Variants in ADAM23 observed in about 807,000 individuals in gnomAD.
ADAM23 encodes disintegrin and metalloproteinase domain-containing protein 23.
Under a neutral mutation model 120.1 loss-of-function variants are expected in ADAM23, and 33 were observed. That is an observed-to-expected ratio of 0.27 (90% CI 0.21 to 0.37). ADAM23 has a LOEUF of 0.37. Among genes scored for constraint, ADAM23 ranks in the 10% least tolerant of loss-of-function variants. ADAM23 has a pLI of 1.00. For synonymous variants in ADAM23, 367 were observed against 375.2 expected (o/e 0.98, Z 0.25); for missense variants, 862 against 1,058.2 (o/e 0.81, Z 2.57).
intron 2 of ADAM23, among the ~76,000 whole-genome samples, chr2:206,468,988 A>C (rs1305317976): frequency 6.6e-6 from 1 of 151,958 alleles, no homozygotes; most frequent in Non-Finnish European, 1.5e-5. Flanking sequence ...ACCAAATCTC[A>C]TGACAACTCA....
At chr2:206,614,172 A>G (rs1170823177) in intron 25 of ADAM23, among the ~76,000 whole-genome samples, 2 of 152,224 alleles carry the variant, frequency 1.3e-5, no homozygotes, top group Admixed American at 1.3e-4. Context: ...TTTAATATTA[A>G]TAAGTCTGTG....
chr2:206,589,324 G>C, intron 20 of ADAM23, 85 bp from the exon 21 acceptor site: 3 of 1,045,920 alleles, frequency 2.9e-6, no homozygotes, highest in Non-Finnish European at 4.1e-6. Flanking sequence ...GGAGAATCGG[G>C]TGTTAAACAC....
rs140738895 is a variant in ADAM23, at chr2:206,567,317, A to G, written c.1489A>G (p.Thr497Ala). Residue 497 changes from threonine (T) to alanine (A), a missense_variant, in exon 15 of 26, where the codon ACA becomes GCA. This residue lies in a region of ADAM23 where 617 missense variants were observed against 813.5 expected (regional missense o/e 0.76). Transcript: ENST00000264377. The stretch of plus-strand genomic sequence containing the variant: ...TGGAGCCTGCCTTTTCAACAGGCCA[A>G]CAAAGGTTAGTAACTTAGAAAGCAT... ...GGGACLFNRP[T>A]KLFEPTECGN... 2.4e-5 allele frequency: 39 copies of G among 1,611,296 alleles called. No individual in the cohort carries two copies. Among genetic ancestry groups the G allele is most frequent in the South Asian group, 3.3e-5 (3 of 90,976 alleles).
chr2:206,445,607 C>G (rs1695067624), intron 2 of ADAM23, 83 bp downstream of exon 2: 1 of 1,188,748 alleles, frequency 8.4e-7, no homozygotes, highest in African/African-American at 1.5e-5. Context: ...TCTGAGTTCA[C>G]AAATTTTACT....
intron 21 of ADAM23, among the ~76,000 whole-genome samples, chr2:206,592,008 CAGAT>C (rs1181974051): frequency 1.3e-5 from 2 of 152,132 alleles, no homozygotes; most frequent in African/African-American, 4.8e-5. Flanking sequence ...GTTTACTTAA[CAGAT>C]AGACTGGAGG....
Position 206,530,869 on chromosome 2 carries a change from T to A in ADAM23, c.510-16T>A. ...GTCTTAGATGCAGAAATCACTCTAT[T>A]TTCTTTCCTTTGTAGTGGTTTGTTG... On this transcript the variant is annotated splice_polypyrimidine_tract_variant and intron_variant, in intron 3 of 25. Coordinates refer to ENST00000264377, the MANE Select transcript of ADAM23 (RefSeq NM_003812.4). 1 of 1,611,484 alleles carries A rather than the reference T, an allele frequency of 6.2e-7. No individual in the cohort carries two copies.
intron 9 of ADAM23, 138 bp downstream of exon 9, chr2:206,550,298 C>T (rs566015714): frequency 1.6e-4 from 69 of 445,052 alleles, no homozygotes; most frequent in South Asian, 1.3e-3. Flanking sequence ...ATTTATTTGT[C>T]GGTGTTTGGA....
At chr2:206,487,063 T>G (rs1402114056) in intron 3 of ADAM23, among the ~76,000 whole-genome samples, 1 of 152,262 alleles carries the variant, frequency 6.6e-6, no homozygotes, top group Non-Finnish European at 1.5e-5. Flanking sequence ...TTGGATATAT[T>G]CTAAGCTTCT....
intron 5 of ADAM23, among the ~76,000 whole-genome samples, 163 bp from the exon 6 acceptor site, chr2:206,543,090 C>T (rs1204524932): frequency 6.6e-6 from 1 of 152,192 alleles, no homozygotes; most frequent in South Asian, 2.1e-4. Context: ...TGGGGCCACA[C>T]TGGGACTCCA....
chr2:206,486,881 C>T (rs1434837913), intron 3 of ADAM23, among the ~76,000 whole-genome samples: 4 of 152,214 alleles, frequency 2.6e-5, no homozygotes, highest in Admixed American at 1.3e-4. Flanking sequence ...TTAGCAGTCA[C>T]TCCCCATTCC....
At chr2:206,542,345 T>G (rs1237460658) in intron 5 of ADAM23, among the ~76,000 whole-genome samples, 2 of 152,200 alleles carry the variant, frequency 1.3e-5, no homozygotes, top group Admixed American at 1.3e-4. Context: ...AGATGAATGT[T>G]TAATCACCAT....
At chr2:206,452,224 A>G (rs1695209489) in intron 2 of ADAM23, among the ~76,000 whole-genome samples, 1 of 152,144 alleles carries the variant, frequency 6.6e-6, no homozygotes, top group African/African-American at 2.4e-5. Flanking sequence ...CCCTTTGGGC[A>G]TTTGAGTTTG....
intron 2 of ADAM23, among the ~76,000 whole-genome samples, chr2:206,453,156 A>G (rs1370069298): frequency 6.6e-6 from 1 of 152,190 alleles, no homozygotes; most frequent in African/African-American, 2.4e-5. Flanking sequence ...GCACTTTTCC[A>G]GGCCTGTTTA....
In ADAM23 at chr2:206,587,341, A is replaced by G. The variant is rs1409160658; in HGVS notation, c.1754A>G (p.His585Arg). The G allele has an allele frequency of 2.5e-5, 40 of 1,608,386 alleles. No individual in the cohort carries two copies. The highest frequency in any genetic ancestry group is 3.2e-5 in the Non-Finnish European group (38 of 1,177,128). Residue 585 changes from histidine (H) to arginine (R), a missense_variant, in exon 19 of 26, where the codon CAT becomes CGT. Transcript: ENST00000264377. ...GDSGQCPPNLHKQDGYACNQN... is the reference protein window; with the variant it reads ...GDSGQCPPNLRKQDGYACNQN... Reference sequence around the variant, plus strand: ...ATTTTGCAGTGCCCACCAAATCTTCATAAGCAAGACGGATATGCATGCAAT... The same window carrying G: ...ATTTTGCAGTGCCCACCAAATCTTCGTAAGCAAGACGGATATGCATGCAAT...
At chr2:206,491,095 A>G (rs1696124780) in intron 3 of ADAM23, among the ~76,000 whole-genome samples, 1 of 152,162 alleles carries the variant, frequency 6.6e-6, no homozygotes, top group Non-Finnish European at 1.5e-5. Context: ...ATTTTCATAG[A>G]TGAACAAAAT....
chr2:206,481,199 A>G (rs1282542245), intron 2 of ADAM23, 33 bp from the exon 3 acceptor site: 2 of 1,548,764 alleles, frequency 1.3e-6, no homozygotes, highest in Non-Finnish European at 1.8e-6. Context: ...CAGGAAAGTA[A>G]GTTAAGGTTC....
In ADAM23 at chr2:206,559,804, G is replaced by A. The variant is rs1473197607; in HGVS notation, c.1006-151G>A. The A allele has an allele frequency of 1.6e-5, 10 of 642,770 alleles. No individual in the cohort carries two copies. In the East Asian group the frequency reaches 2.5e-4, roughly 16 times the overall value. The allele number at this position is 642,770 out of a possible 1,614,324, so 39.8% of individuals were successfully genotyped here. On this transcript the variant is annotated intron_variant, in intron 10 of 25. Coordinates refer to ENST00000264377, the MANE Select transcript of ADAM23 (RefSeq NM_003812.4). ...TCTTTATTTTTGCTCTTGGAAAAAA[G>A]AAAGGAAAAGAAGATTCTCTATAAT... is the stretch of plus-strand genomic sequence containing the variant.
chr2:206,466,509 A>C (rs1695544895), intron 2 of ADAM23, among the ~76,000 whole-genome samples: 1 of 152,208 alleles, frequency 6.6e-6, no homozygotes, highest in Non-Finnish European at 1.5e-5. Context: ...TCAGACAGTA[A>C]GTTATCCACA....
intron 24 of ADAM23, among the ~76,000 whole-genome samples, chr2:206,604,394 G>T (rs530845033): frequency 2.0e-5 from 3 of 152,198 alleles, no homozygotes; most frequent in Non-Finnish European, 4.4e-5. Context: ...TTCAGTCCCA[G>T]TGTTTGCCTC....
Sources: gnomAD v4.1 joint callset for allele counts (sites outside exome capture counted in the v4.1 genomes callset) on GRCh38, gnomAD v4.1.1 for gene constraint, gnomAD v4.1.1 regional missense constraint, MANE v1.5 for transcripts, NCBI Gene and HGNC (gene_info 2026-07-23, HGNC 2026-07-21) for gene names.